The following SCAPER variants were observed in gnomAD, a reference collection of about 807,000 sequenced individuals.
SCAPER encodes the protein S-phase cyclin A associated protein in the ER.
SCAPER carries 98 observed loss-of-function variants against 182.2 expected under a neutral mutation model. The ratio of observed to expected loss-of-function variants is 0.54; its 90% CI spans 0.46 to 0.64. The LOEUF is 0.64. Among genes scored for constraint, SCAPER ranks in the 30% least tolerant of loss-of-function variants. The pLI is 0.00. For synonymous variants in SCAPER, 605 were observed against 564.6 expected, an observed-to-expected ratio of 1.07 and a Z score of -1.01; for missense variants, 1,432 against 1,690.0, an observed-to-expected ratio of 0.85 and a Z score of 2.68.
chr15:76,731,519 T>C (rs1248120761), intron 16 of SCAPER, among the ~76,000 whole-genome samples: 1 of 152,184 alleles, frequency 6.6e-6, no homozygotes, highest in Admixed American at 6.5e-5. Flanking sequence ...AGAGTAAAAA[T>C]AAAATGGATG....
intron 14 of SCAPER, among the ~76,000 whole-genome samples, chr15:76,754,434 C>T (rs1037237464): frequency 1.3e-5 from 2 of 151,988 alleles, no homozygotes; most frequent in Non-Finnish European, 2.9e-5. Flanking sequence ...TGAAAAATGA[C>T]ATCTAACAAA....
intron 21 of SCAPER, among the ~76,000 whole-genome samples, chr15:76,643,340 C>T (rs1325401194): frequency 6.6e-6 from 1 of 152,160 alleles, no homozygotes; most frequent in African/African-American, 2.4e-5. Flanking sequence ...TGAACTACTT[C>T]CTCACATGAA....
At chr15:76,893,182 G>A (rs569877789) in intron 1 of SCAPER, among the ~76,000 whole-genome samples, 4 of 152,148 alleles carry the variant, frequency 2.6e-5, no homozygotes, top group Non-Finnish European at 4.4e-5. Context: ...GTCACTGGGT[G>A]GGGGGCTGAG....
At chr15:76,652,655 G>A (rs1371853362) in intron 21 of SCAPER, among the ~76,000 whole-genome samples, 2 of 150,984 alleles carry the variant, frequency 1.3e-5, no homozygotes, top group Admixed American at 1.3e-4. Flanking sequence ...AGGTTTCAGT[G>A]AGCCAAGATC....
intron 29 of SCAPER, among the ~76,000 whole-genome samples, chr15:76,359,287 G>A (rs1596291662): frequency 6.6e-6 from 1 of 152,014 alleles, no homozygotes. Context: ...CCACTGTCTT[G>A]CTGGGACTCA....
intron 22 of SCAPER, 89 bp from the exon 23 acceptor site, chr15:76,574,373 T>C: frequency 6.9e-7 from 1 of 1,441,038 alleles, no homozygotes; most frequent in Non-Finnish European, 9.4e-7. Context: ...CAAGTTACTT[T>C]CAGTATTGGA....
intron 29 of SCAPER, among the ~76,000 whole-genome samples, chr15:76,368,854 C>T (rs2041973583): frequency 6.6e-6 from 1 of 152,070 alleles, no homozygotes; most frequent in Non-Finnish European, 1.5e-5. Flanking sequence ...TATCAGACCA[C>T]ATTTAATTAT....
At chr15:76,879,206 C>G (rs2073376641) in intron 2 of SCAPER, among the ~76,000 whole-genome samples, 1 of 152,198 alleles carries the variant, frequency 6.6e-6, no homozygotes, top group Non-Finnish European at 1.5e-5. Context: ...AGAATTCTTC[C>G]TTCTGTATGG....
chr15:76,409,241 C>T (rs558277607), intron 26 of SCAPER, among the ~76,000 whole-genome samples: 1 of 152,226 alleles, frequency 6.6e-6, no homozygotes, highest in Admixed American at 6.5e-5. Flanking sequence ...TCAAAAGCAA[C>T]ATATCTTTTG....
At chr15:76,605,573 G>A (rs1214387981) in intron 22 of SCAPER, among the ~76,000 whole-genome samples, 2 of 152,114 alleles carry the variant, frequency 1.3e-5, no homozygotes, top group Non-Finnish European at 2.9e-5. Flanking sequence ...TTTTTCTATT[G>A]ATTGCAGTAG....
At chr15:76,833,978 A>G (rs1448783645) in intron 5 of SCAPER, among the ~76,000 whole-genome samples, 1 of 152,214 alleles carries the variant, frequency 6.6e-6, no homozygotes, top group Non-Finnish European at 1.5e-5. Flanking sequence ...GATATTAAGG[A>G]CCTAAATTGA....
intron 20 of SCAPER, among the ~76,000 whole-genome samples, chr15:76,675,546 T>C (rs544979931): frequency 1.3e-5 from 2 of 152,324 alleles, no homozygotes; most frequent in African/African-American, 2.4e-5. Flanking sequence ...TACAGAATGA[T>C]GCAGAAGCTG....
At chr15:76,373,044 C>CTTTA (rs1364461622) in intron 29 of SCAPER, among the ~76,000 whole-genome samples, 4 of 35,208 alleles carry the variant, frequency 1.1e-4, no homozygotes, top group South Asian at 2.1e-3. Context: ...CTTTTTCTTT[C>CTTTA]TTTCTTTCTT....
chr15:76,583,929 C>T (rs1410953496), intron 22 of SCAPER, among the ~76,000 whole-genome samples: 2 of 151,806 alleles, frequency 1.3e-5, no homozygotes, highest in East Asian at 3.9e-4. Context: ...GGGTATATAC[C>T]CAAAAGAAAA....
intron 23 of SCAPER, among the ~76,000 whole-genome samples, chr15:76,505,781 T>C (rs572689073): frequency 7.4e-4 from 113 of 152,274 alleles, no homozygotes; most frequent in African/African-American, 2.5e-3. Flanking sequence ...ATCTAAGAGA[T>C]ATCTGCTCTC....
Position 76,665,719 on chromosome 15 carries a change from T to C in SCAPER, c.2579A>G (p.Lys860Arg). Residue 860 changes from lysine (K) to arginine (R), a missense_variant, in exon 21 of 32, where the codon AAA (lysine) becomes AGA (arginine). By Grantham distance (26) the Lys-to-Arg change is conservative. This residue lies in a region of SCAPER where 718 missense variants were observed against 799.7 expected (regional missense o/e 0.90). Coordinates refer to ENST00000563290, the MANE Select transcript of SCAPER (RefSeq NM_020843.4). The part of the protein sequence containing the change: ...VESTAPAEAL[K>R]DGEERQKNKK... ...ATTTTTTTGCCGCTCTTCTCCATCT[T>C]TCAAAGCTTCTGCTGGAGCTGTACT... 1 of 1,563,944 alleles carries C rather than the reference T, an allele frequency of 6.4e-7. No individual in the cohort carries two copies. Among genetic ancestry groups the C allele is most frequent in the Non-Finnish European group, 8.7e-7 (1 of 1,153,738 alleles).
chr15:76,825,603 T>G (rs1167360905), intron 5 of SCAPER, among the ~76,000 whole-genome samples: 1 of 152,242 alleles, frequency 6.6e-6, no homozygotes, highest in African/African-American at 2.4e-5. Flanking sequence ...GAGCAAAATT[T>G]ATTCCAAAAT....
intron 22 of SCAPER, among the ~76,000 whole-genome samples, chr15:76,598,834 A>G (rs1412134317): frequency 8.4e-6 from 1 of 119,550 alleles, no homozygotes; most frequent in East Asian, 2.2e-4. Flanking sequence ...TAGCATTAGG[A>G]GAACTACCTA....
chr15:76,770,260 G>A lies in SCAPER; in HGVS notation c.1248+1482C>T, dbSNP rs190561554. On this transcript the variant is annotated intron_variant, in intron 10 of 31. Coordinates refer to ENST00000563290, the MANE Select transcript of SCAPER (RefSeq NM_020843.4). The stretch of plus-strand genomic sequence containing the variant: ...AGGAAAAATACCTAAAGTAAATGAC[G>A]AGTTGATGGGTGCAGCAAACCAACA... 2.0e-3 allele frequency among the ~76,000 whole-genome samples: 297 copies of A among 151,822 alleles called. 3 individuals carry two copies. The highest frequency in any genetic ancestry group is 6.8e-3 in the African/African-American group (281 of 41,346).
Sources: allele counts gnomAD v4.1 joint callset (sites outside exome capture counted in the v4.1 genomes callset), GRCh38; gene constraint gnomAD v4.1.1; regional missense constraint gnomAD v4.1.1; transcripts MANE v1.5; gene names NCBI Gene and HGNC (gene_info 2026-07-23, HGNC 2026-07-21).